Variants in MSRA observed in about 807,000 individuals in gnomAD.
MSRA encodes methionine sulfoxide reductase A, also known as mitochondrial peptide methionine sulfoxide reductase.
MSRA carries 54 observed loss-of-function variants against 31.3 expected under a neutral mutation model. The observed-to-expected ratio is 1.73, with a 90% CI of 1.39 to 2.17. MSRA has a LOEUF of 2.17. MSRA is among the 30% of genes most tolerant of loss of function. The pLI is 0.00. For synonymous variants in MSRA, 169 were observed against 116.5 expected, an observed-to-expected ratio of 1.45 and a Z score of -2.90; for missense variants, 507 against 300.9, an observed-to-expected ratio of 1.69 and a Z score of -5.07.
chr8:10,148,042 C>T (rs1377959520), intron 1 of MSRA, among the ~76,000 whole-genome samples: 1 of 152,202 alleles, frequency 6.6e-6, no homozygotes, highest in African/African-American at 2.4e-5. Context: ...ATTGCGGGCA[C>T]AGCCGTGGGG....
At chr8:10,151,571 A>AC (rs1803684258) in intron 1 of MSRA, among the ~76,000 whole-genome samples, 2 of 151,378 alleles carry the variant, frequency 1.3e-5, no homozygotes, top group Admixed American at 1.3e-4. Context: ...AATGGTGTGA[A>AC]CCCGGGAGGC....
At chr8:10,300,318 C>A (rs1277059785) in intron 3 of MSRA, among the ~76,000 whole-genome samples, 1 of 151,766 alleles carries the variant, frequency 6.6e-6, no homozygotes, top group Non-Finnish European at 1.5e-5. Flanking sequence ...TGCAGTGGTG[C>A]GATCTCGGCT....
chr8:10,057,138 T>C (rs1298087890), intron 1 of MSRA, among the ~76,000 whole-genome samples: 1 of 152,142 alleles, frequency 6.6e-6, no homozygotes, highest in East Asian at 1.9e-4. Context: ...CTAAAATGGA[T>C]GAAAACATGA....
At chr8:10,122,603 G>A (rs1313259850) in intron 1 of MSRA, among the ~76,000 whole-genome samples, 1 of 151,760 alleles carries the variant, frequency 6.6e-6, no homozygotes, top group Admixed American at 6.6e-5. Flanking sequence ...GTGTCACGGG[G>A]GTTCGTTGTA....
intron 5 of MSRA, among the ~76,000 whole-genome samples, chr8:10,416,110 G>A (rs535005074): frequency 7.2e-5 from 11 of 152,168 alleles, no homozygotes; most frequent in African/African-American, 2.2e-4. Flanking sequence ...CACCTGGCAC[G>A]GCACCTGCTC....
chr8:10,205,247 G>A (rs1412711490), intron 1 of MSRA, among the ~76,000 whole-genome samples: 1 of 152,090 alleles, frequency 6.6e-6, no homozygotes, highest in Non-Finnish European at 1.5e-5. Flanking sequence ...AGATGTCGGA[G>A]TCCGGAAAAA....
intron 5 of MSRA, among the ~76,000 whole-genome samples, chr8:10,401,576 G>T (rs1807466687): frequency 6.6e-6 from 1 of 152,152 alleles, no homozygotes; most frequent in East Asian, 1.9e-4. Flanking sequence ...ATATCCAGCG[G>T]AATTGAAAGC....
intron 1 of MSRA, among the ~76,000 whole-genome samples, chr8:10,172,055 A>G (rs1805634855): frequency 6.6e-6 from 1 of 152,148 alleles, no homozygotes; most frequent in African/African-American, 2.4e-5. Flanking sequence ...TAATATACTC[A>G]CTCCCAGATT....
intron 3 of MSRA, among the ~76,000 whole-genome samples, chr8:10,269,561 T>G (rs1397451311): frequency 6.6e-6 from 1 of 152,244 alleles, no homozygotes; most frequent in Non-Finnish European, 1.5e-5. Context: ...GAGTGTCAAA[T>G]GCGTGGGATT....
intron 1 of MSRA, among the ~76,000 whole-genome samples, chr8:10,109,430 C>T (rs753179036): frequency 6.6e-6 from 1 of 151,896 alleles, no homozygotes; most frequent in Non-Finnish European, 1.5e-5. Context: ...CAACCTCCAT[C>T]TCCCGGGCTC....
chr8:10,242,384 G>A (rs1712643357), intron 2 of MSRA, among the ~76,000 whole-genome samples: 1 of 152,152 alleles, frequency 6.6e-6, no homozygotes, highest in African/African-American at 2.4e-5. Flanking sequence ...AGTGATTACT[G>A]TGAAAGTCAG....
intron 5 of MSRA, among the ~76,000 whole-genome samples, chr8:10,373,037 G>A (rs912157614): frequency 6.6e-6 from 1 of 152,180 alleles, no homozygotes; most frequent in Non-Finnish European, 1.5e-5. Context: ...TTACAGGCAT[G>A]GCATTTACCA....
At chr8:10,312,227 C>G (rs969792865) in intron 4 of MSRA, among the ~76,000 whole-genome samples, 3 of 151,874 alleles carry the variant, frequency 2.0e-5, no homozygotes, top group African/African-American at 4.8e-5. Context: ...AGCCAAGAGT[C>G]GATATTTCAC....
At position 10,115,630 on chromosome 8, in the gene MSRA, T is replaced by G. The variant is rs557100809; in HGVS notation, c.142+60972T>G. On this transcript the variant is annotated intron_variant, in intron 1 of 5. Transcript: ENST00000317173. ...AGAGAGTGGTCAGAACCAGTGGCGC[T>G]TTCTAAAAGATTGATGCCATGAGCT... 6.6e-5 allele frequency among the ~76,000 whole-genome samples: 10 copies of G among 152,310 alleles called. No individual in the cohort carries two copies. In the East Asian group the frequency reaches 1.7e-3, roughly 26 times the overall value.
At chr8:10,338,810 T>C (rs1429714610) in intron 5 of MSRA, among the ~76,000 whole-genome samples, 1 of 152,216 alleles carries the variant, frequency 6.6e-6, no homozygotes, top group Non-Finnish European at 1.5e-5. Context: ...AATAATTTCC[T>C]AACCTGCAAA....
intron 1 of MSRA, among the ~76,000 whole-genome samples, chr8:10,150,738 G>C (rs191721514): frequency 6.6e-6 from 1 of 152,264 alleles, no homozygotes; most frequent in East Asian, 1.9e-4. Context: ...TCTGAAGCCT[G>C]TTCTTTCCCG....
At chr8:10,241,212 A>G (rs1245381293) in intron 2 of MSRA, among the ~76,000 whole-genome samples, 1 of 152,000 alleles carries the variant, frequency 6.6e-6, no homozygotes, top group Non-Finnish European at 1.5e-5. Flanking sequence ...GCTTTTTCCC[A>G]TTAAACTAGG....
At chr8:10,354,956 A>G (rs1015789970) in intron 5 of MSRA, among the ~76,000 whole-genome samples, 2 of 152,084 alleles carry the variant, frequency 1.3e-5, no homozygotes, top group Admixed American at 6.5e-5. Flanking sequence ...TCTTGCATCC[A>G]TGGTTAGTTC....
At chr8:10,184,991 G>A (rs1245064211) in intron 1 of MSRA, among the ~76,000 whole-genome samples, 1 of 152,224 alleles carries the variant, frequency 6.6e-6, no homozygotes, top group African/African-American at 2.4e-5. Context: ...GTAGCCTTTT[G>A]ATCTTTATTG....
Sources: allele counts gnomAD v4.1 joint callset (sites outside exome capture counted in the v4.1 genomes callset), GRCh38; gene constraint gnomAD v4.1.1; transcripts MANE v1.5; gene names NCBI Gene and HGNC (gene_info 2026-07-23, HGNC 2026-07-21).